TGFB2: variants seen among roughly 807,000 people sequenced by gnomAD.
TGFB2 encodes the protein transforming growth factor beta-2 proprotein.
TGFB2 carries 13 observed loss-of-function variants against 42.7 expected under a neutral mutation model. The observed-to-expected ratio is 0.30, with a 90% CI of 0.20 to 0.48. The LOEUF is 0.48. TGFB2 is among the 20% of genes least tolerant of loss of function. TGFB2 has a pLI of 0.99. For missense variants in TGFB2, 390 were observed against 517.5 expected, an observed-to-expected ratio of 0.75 and a Z score of 2.39; for synonymous variants, 193 against 193.6, an observed-to-expected ratio of 1.00 and a Z score of 0.03.
At chr1:218,398,672 C>G (rs1263598586) in intron 1 of TGFB2, among the ~76,000 whole-genome samples, 1 of 152,118 alleles carries the variant, frequency 6.6e-6, no homozygotes, top group Non-Finnish European at 1.5e-5. Context: ...GCTGCAACCT[C>G]TGCCTCCCGG....
chr1:218,428,944 G>A (rs929072089), intron 2 of TGFB2, among the ~76,000 whole-genome samples: 4 of 147,574 alleles, frequency 2.7e-5, no homozygotes, highest in East Asian at 2.0e-4. Flanking sequence ...CCATTTTCAC[G>A]ATATTGATTC....
intron 2 of TGFB2, among the ~76,000 whole-genome samples, chr1:218,414,945 C>T (rs1212244024): frequency 6.6e-6 from 1 of 152,052 alleles, no homozygotes; most frequent in African/African-American, 2.4e-5. Flanking sequence ...GCGGTCTGAC[C>T]CCAGGGATCA....
intron 1 of TGFB2, among the ~76,000 whole-genome samples, chr1:218,390,925 C>A (rs1658299561): frequency 6.6e-6 from 1 of 152,170 alleles, no homozygotes; most frequent in South Asian, 2.1e-4. Flanking sequence ...TAAGAAAGCA[C>A]CATCATTTGA....
rs564618081 is a variant in TGFB2, at chr1:218,400,800, CCTGACCCCAA to C, written c.347-4365_347-4356del. On this transcript the variant is annotated intron_variant, in intron 1 of 6. Coordinates refer to ENST00000366930, the MANE Select transcript of TGFB2 (RefSeq NM_003238.6). ...TTCCTGAAATGGCATGGGTTGTGTGCCTGACCCCAACTGTCATTGGGTGGAGGAAAACAGT... is the reference window on the plus strand; with the variant it reads ...TTCCTGAAATGGCATGGGTTGTGTGCCTGTCATTGGGTGGAGGAAAACAGT... Among the ~76,000 whole-genome samples the C allele has an allele frequency of 2.3e-3, 349 of 152,200 alleles. 3 individuals are homozygous for C. The highest frequency in any genetic ancestry group is 8.0e-3 in the African/African-American group (330 of 41,508).
chr1:218,419,812 T>C (rs1180182616), intron 2 of TGFB2, among the ~76,000 whole-genome samples: 1 of 152,236 alleles, frequency 6.6e-6, no homozygotes, highest in Non-Finnish European at 1.5e-5. Context: ...ATGAAGTATT[T>C]AATATTAATA....
In TGFB2 at chr1:218,365,664, A is replaced by ATTTT. The variant is rs146829350; in HGVS notation, c.346+18629_346+18632dup. 8.1e-3 allele frequency among the ~76,000 whole-genome samples: 1,143 copies of ATTTT among 141,802 alleles called. 23 individuals are homozygous for ATTTT. The East Asian group carries it at 0.082, about 10-fold the overall frequency. The allele number at this position is 141,802 out of a possible 152,430, so 93.0% of individuals were successfully genotyped here. On this transcript the variant is annotated intron_variant, in intron 1 of 6. Coordinates refer to ENST00000366930, the MANE Select transcript of TGFB2 (RefSeq NM_003238.6). ...AGGCTGCTGAGCAGTGGGGCTCTGC[A>ATTTT]TTTTTTTTTTTTTTTGTCTCTGTTC...
At chr1:218,396,989 C>T (rs79839744) in intron 1 of TGFB2, among the ~76,000 whole-genome samples, 13,549 of 152,172 alleles carry the variant, frequency 0.089, 767 homozygotes, top group African/African-American at 0.16. Context: ...GTGCTTGAGC[C>T]AGGTGCAGTG....
At chr1:218,366,821 C>G (rs913662760) in intron 1 of TGFB2, among the ~76,000 whole-genome samples, 1 of 152,214 alleles carries the variant, frequency 6.6e-6, no homozygotes, top group African/African-American at 2.4e-5. Flanking sequence ...TTATGCACAT[C>G]TGTTTACTCA....
At chr1:218,400,413 C>A (rs1658676762) in intron 1 of TGFB2, among the ~76,000 whole-genome samples, 1 of 151,996 alleles carries the variant, frequency 6.6e-6, no homozygotes, top group Non-Finnish European at 1.5e-5. Context: ...GACCTGAGAC[C>A]CTTGCCCTAA....
chr1:218,417,780 T>G (rs1659329566), intron 2 of TGFB2, among the ~76,000 whole-genome samples: 1 of 152,236 alleles, frequency 6.6e-6, no homozygotes, highest in Non-Finnish European at 1.5e-5. Context: ...CCACTCCAGC[T>G]GTGGCTGAAA....
Position 218,443,665 on chromosome 1 carries a change from A to G in TGFB2, c.*2303A>G, listed in dbSNP as rs1301739066. The G allele has an allele frequency of 6.7e-6, 1 of 149,608 alleles. No individual in the cohort carries two copies. Among genetic ancestry groups the G allele is most frequent in the Non-Finnish European group, 1.5e-5 (1 of 67,616 alleles). The allele number at this position is 149,608 out of a possible 1,614,324, so 9.3% of individuals were successfully genotyped here. Reference sequence around the variant, plus strand: ...TTATTTTGTCTTTCCTCATGAATGCACTGATAATATTTTAAATGCTCTATT... The same window carrying G: ...TTATTTTGTCTTTCCTCATGAATGCGCTGATAATATTTTAAATGCTCTATT... On this transcript the variant is annotated 3_prime_UTR_variant, in exon 7 of 7. Transcript: ENST00000366930.
At chr1:218,395,919 T>A (rs1658495504) in intron 1 of TGFB2, among the ~76,000 whole-genome samples, 1 of 152,186 alleles carries the variant, frequency 6.6e-6, no homozygotes, top group African/African-American at 2.4e-5. Flanking sequence ...AGGCCTTGAT[T>A]TCTTTATCTG....
chr1:218,426,992 T>A (rs1299893196), intron 2 of TGFB2, among the ~76,000 whole-genome samples: 2 of 152,160 alleles, frequency 1.3e-5, no homozygotes, highest in Non-Finnish European at 2.9e-5. Flanking sequence ...GAAGTAGAGA[T>A]GTTTAAGGAC....
chr1:218,399,731 C>CT (rs1378024772), intron 1 of TGFB2, among the ~76,000 whole-genome samples: 2 of 151,962 alleles, frequency 1.3e-5, no homozygotes, highest in East Asian at 3.9e-4. Flanking sequence ...TAAACTGCCC[C>CT]AGGACACTTA....
Position 218,441,258 on chromosome 1 carries a change from G to A in TGFB2, c.1141G>A (p.Val381Met), listed in dbSNP as rs376159002. Residue 381 changes from valine (V) to methionine (M), a missense_variant, in exon 7 of 7, where the codon GTG becomes ATG. Val to Met is a conservative substitution (Grantham distance 21). Coordinates refer to ENST00000366930, the MANE Select transcript of TGFB2 (RefSeq NM_003238.6). Reference protein sequence around the residue: ...NPEASASPCCVSQDLEPLTIL... With the variant: ...NPEASASPCCMSQDLEPLTIL... Reference sequence around the variant, plus strand: ...AGAAGCATCTGCTTCTCCTTGCTGCGTGTCCCAAGATTTAGAACCTCTAAC... The same window carrying A: ...AGAAGCATCTGCTTCTCCTTGCTGCATGTCCCAAGATTTAGAACCTCTAAC... 68 of 1,613,594 alleles carry A rather than the reference G, an allele frequency of 4.2e-5. No individual in the cohort carries two copies. The highest frequency in any genetic ancestry group is 1.6e-4 in the Middle Eastern group (1 of 6,084).
chr1:218,425,229 T>C (rs1659582215), intron 2 of TGFB2, among the ~76,000 whole-genome samples: 1 of 152,114 alleles, frequency 6.6e-6, no homozygotes, highest in Admixed American at 6.6e-5. Flanking sequence ...TTTTATTTAG[T>C]TGGAGTCTTG....
At chr1:218,391,587 C>T (rs1341334261) in intron 1 of TGFB2, among the ~76,000 whole-genome samples, 1 of 152,192 alleles carries the variant, frequency 6.6e-6, no homozygotes, top group Non-Finnish European at 1.5e-5. Context: ...TGCACAGGCT[C>T]ACCACATCAG....
chr1:218,436,412 A>G (rs1659973715), intron 5 of TGFB2, among the ~76,000 whole-genome samples: 1 of 152,214 alleles, frequency 6.6e-6, no homozygotes, highest in Non-Finnish European at 1.5e-5. Context: ...GTGCTGAAGA[A>G]GAAAACAAGC....
intron 2 of TGFB2, among the ~76,000 whole-genome samples, chr1:218,421,849 G>T (rs935903481): frequency 6.6e-6 from 1 of 152,120 alleles, no homozygotes; most frequent in Non-Finnish European, 1.5e-5. Context: ...GCCATGTGAA[G>T]ATGAAGGCAG....
Sources: gnomAD v4.1 joint callset for allele counts (sites outside exome capture counted in the v4.1 genomes callset) on GRCh38, gnomAD v4.1.1 for gene constraint, MANE v1.5 for transcripts, NCBI Gene and HGNC (gene_info 2026-07-23, HGNC 2026-07-21) for gene names.